Variants in UTRN observed in about 807,000 individuals in gnomAD.
UTRN encodes the protein dystrophin-related protein 1.
Under a neutral mutation model 463.9 loss-of-function variants are expected in UTRN, and 283 were observed. That is an observed-to-expected ratio of 0.61 (90% confidence interval 0.55 to 0.67). The LOEUF is 0.67. UTRN is among the 30% of genes least tolerant of loss of function. The pLI is 0.00. For missense variants in UTRN, 3,922 were observed against 4,084.3 expected (o/e 0.96, Z 1.08); for synonymous variants, 1,442 against 1,431.5 (o/e 1.01, Z -0.17).
intron 46 of UTRN, among the ~76,000 whole-genome samples, chr6:144,545,055 G>C (rs1273475249): frequency 1.3e-5 from 2 of 151,720 alleles, no homozygotes; most frequent in Admixed American, 6.6e-5. Flanking sequence ...TTTTTTTTTA[G>C]ATGATTCACC....
intron 2 of UTRN, among the ~76,000 whole-genome samples, chr6:144,392,340 C>T (rs984254708): frequency 1.3e-5 from 2 of 152,174 alleles, no homozygotes; most frequent in African/African-American, 4.8e-5. Flanking sequence ...AATCCTCCAG[C>T]CAATGGCTGA....
chr6:144,642,694 A>C (rs936360214), intron 51 of UTRN, among the ~76,000 whole-genome samples: 1 of 152,214 alleles, frequency 6.6e-6, no homozygotes, highest in East Asian at 1.9e-4. Context: ...CAGTCTCCCC[A>C]GCCCAAGAAG....
chr6:144,361,756 T>TTTTC (rs766647078), intron 2 of UTRN, among the ~76,000 whole-genome samples: 2 of 147,124 alleles, frequency 1.4e-5, no homozygotes, highest in Admixed American at 6.9e-5. Context: ...ACCTGGCTAA[T>TTTTC]TTTCTTTCTT....
At chr6:144,445,082 G>A (rs1321189590) in intron 14 of UTRN, among the ~76,000 whole-genome samples, 2 of 152,282 alleles carry the variant, frequency 1.3e-5, no homozygotes, top group Non-Finnish European at 2.9e-5. Context: ...CGGGCAGGGT[G>A]GCTCACGCCT....
intron 54 of UTRN, among the ~76,000 whole-genome samples, chr6:144,740,733 G>C (rs1041021492): frequency 5.3e-5 from 8 of 151,718 alleles, no homozygotes. Context: ...CCATCGATTG[G>C]GTAAAAATTT....
chr6:144,676,854 A>G (rs542688231), intron 51 of UTRN, among the ~76,000 whole-genome samples: 7 of 152,358 alleles, frequency 4.6e-5, no homozygotes, highest in South Asian at 4.1e-4. Context: ...CACTTTAGTT[A>G]TAGTTATGTA....
rs1791007147 is a variant in UTRN, at chr6:144,474,683, C to A, written c.3260C>A (p.Pro1087Gln). The A allele has an allele frequency of 6.2e-7, 1 of 1,613,926 alleles. No homozygotes were observed. Among genetic ancestry groups the A allele is most frequent in the African/African-American group, 1.3e-5 (1 of 75,018 alleles). Residue 1087 changes from proline (P) to glutamine (Q), a missense_variant, in exon 25 of 75, where the codon CCA (proline) becomes CAA (glutamine). By Grantham distance (76) the Pro-to-Gln change is moderately conservative. Coordinates refer to ENST00000367545, the MANE Select transcript of UTRN (RefSeq NM_007124.3). ...KEIETNLRSG[P>Q]VAGIKTWVQT... Reference sequence around the variant, plus strand: ...ATAGAGACTAATCTTCGAAGTGGTCCAGTTGCTGGAATAAAAACTTGGGTG... The same window carrying A: ...ATAGAGACTAATCTTCGAAGTGGTCAAGTTGCTGGAATAAAAACTTGGGTG...
At chr6:144,570,522 T>A (rs1334264024) in intron 50 of UTRN, among the ~76,000 whole-genome samples, 2 of 152,158 alleles carry the variant, frequency 1.3e-5, no homozygotes, top group Non-Finnish European at 2.9e-5. Context: ...AAAATCCATA[T>A]TTTTTTACTT....
intron 33 of UTRN, 112 bp from the exon 34 acceptor site, chr6:144,499,145 C>T: frequency 8.5e-7 from 1 of 1,178,726 alleles, no homozygotes; most frequent in Non-Finnish European, 1.2e-6. Context: ...TTATGTATGT[C>T]TTGGGGGTTA....
intron 53 of UTRN, among the ~76,000 whole-genome samples, chr6:144,718,066 T>C (rs558926121): frequency 2.0e-5 from 3 of 152,302 alleles, no homozygotes; most frequent in African/African-American, 7.2e-5. Context: ...AAGCTCTAGG[T>C]AAAATGGCTA....
intron 53 of UTRN, among the ~76,000 whole-genome samples, chr6:144,723,389 A>G (rs1380057582): frequency 3.3e-5 from 5 of 152,192 alleles, no homozygotes; most frequent in African/African-American, 1.2e-4. Context: ...AATACATAGT[A>G]TTTAATTCTG....
chr6:144,717,740 ACT>A (rs1215911455), intron 53 of UTRN, among the ~76,000 whole-genome samples: 1 of 141,908 alleles, frequency 7.0e-6, no homozygotes, highest in African/African-American at 2.7e-5. Context: ...GGTCCAAATG[ACT>A]CTCCTGCCTC....
chr6:144,299,061 G>C (rs993105839), intron 2 of UTRN, among the ~76,000 whole-genome samples: 4 of 152,174 alleles, frequency 2.6e-5, no homozygotes, highest in Non-Finnish European at 5.9e-5. Context: ...CAAAGGCTAC[G>C]TGTGAGTCAT....
chr6:144,686,776 A>G (rs1374880499), intron 52 of UTRN, among the ~76,000 whole-genome samples: 3 of 152,074 alleles, frequency 2.0e-5, no homozygotes, highest in Admixed American at 6.5e-5. Context: ...TTGAATCTAT[A>G]AGAATCCTTA....
chr6:144,362,583 T>C (rs996952438), intron 2 of UTRN, among the ~76,000 whole-genome samples: 1 of 152,212 alleles, frequency 6.6e-6, no homozygotes, highest in Non-Finnish European at 1.5e-5. Flanking sequence ...GATTAATAAC[T>C]GGATGGGATA....
intron 22 of UTRN, among the ~76,000 whole-genome samples, chr6:144,461,684 C>T (rs929893983): frequency 6.6e-6 from 1 of 152,058 alleles, no homozygotes; most frequent in African/African-American, 2.4e-5. Flanking sequence ...GGAATGTTTC[C>T]GAGGTCATTT....
intron 58 of UTRN, among the ~76,000 whole-genome samples, chr6:144,770,976 G>C (rs1793940203): frequency 1.3e-5 from 2 of 152,170 alleles, no homozygotes; most frequent in African/African-American, 4.8e-5. Flanking sequence ...ATGTTATTCA[G>C]AGTTAAACTT....
chr6:144,824,533 A>G (rs1779909057), intron 66 of UTRN, among the ~76,000 whole-genome samples: 1 of 111,818 alleles, frequency 8.9e-6, no homozygotes, highest in African/African-American at 3.1e-5. Context: ...ATATACACAA[A>G]TATAATACAT....
rs1219225351 is a variant in UTRN at position 144,727,485 on chromosome 6, G to T, written c.7810-2872G>T. ...AATCTTTACCACTCCTGAGCCAGGC[G>T]TGGTGGCCCATGCCTATAATCCCAG... On this transcript the variant is annotated intron_variant, in intron 53 of 74. Transcript: ENST00000367545. Among the ~76,000 whole-genome samples the T allele has an allele frequency of 5.3e-5, 8 of 152,322 alleles. No individual in the cohort carries two copies. In the East Asian group the frequency reaches 1.4e-3, roughly 26 times the overall value.
Sources: gnomAD v4.1 joint callset for allele counts (sites outside exome capture counted in the v4.1 genomes callset) on GRCh38, gnomAD v4.1.1 for gene constraint, MANE v1.5 for transcripts, NCBI Gene and HGNC (gene_info 2026-07-23, HGNC 2026-07-21) for gene names.